The following CAPZB variants were observed in gnomAD, a reference collection of about 807,000 sequenced individuals.
The protein encoded by CAPZB is capping actin protein of muscle Z-line subunit beta, also known as F-actin-capping protein subunit beta.
Under a neutral mutation model 38.1 loss-of-function variants are expected in CAPZB, and 2 were observed. The ratio of observed to expected loss-of-function variants is 0.05; its 90% CI spans 0.02 to 0.17. CAPZB has a LOEUF of 0.17. CAPZB is among the 10% of genes least tolerant of loss of function. The pLI, the probability that CAPZB is intolerant of heterozygous loss-of-function variation, is 1.00. For synonymous variants in CAPZB, 107 were observed against 127.4 expected (o/e 0.84, Z 1.08); for missense variants, 161 against 334.2 (o/e 0.48, Z 4.04).
chr1:19,354,560 A>T (rs1416410737), intron 6 of CAPZB, among the ~76,000 whole-genome samples: 1 of 152,236 alleles, frequency 6.6e-6, no homozygotes. Flanking sequence ...CCAGAGCAAA[A>T]GGCAACGCAA....
intron 1 of CAPZB, among the ~76,000 whole-genome samples, chr1:19,438,598 A>G (rs2094465745): frequency 6.6e-6 from 1 of 152,218 alleles, no homozygotes; most frequent in Non-Finnish European, 1.5e-5. Flanking sequence ...ACTCAGAGGA[A>G]GCCAAGCTCA....
chr1:19,371,996 A>G (rs113154298), intron 4 of CAPZB, among the ~76,000 whole-genome samples: 16 of 152,360 alleles, frequency 1.1e-4, no homozygotes, highest in African/African-American at 3.8e-4. Flanking sequence ...CCATCCACCC[A>G]GCTCCTGGCT....
chr1:19,360,788 C>T (rs1056847406), intron 4 of CAPZB, among the ~76,000 whole-genome samples: 7 of 152,316 alleles, frequency 4.6e-5, no homozygotes, highest in Middle Eastern at 3.4e-3. Context: ...TGGCGGGCCA[C>T]GGTGACCAGG....
chr1:19,451,050 C>T (rs960605469), intron 1 of CAPZB, among the ~76,000 whole-genome samples: 1 of 152,208 alleles, frequency 6.6e-6, no homozygotes, highest in Non-Finnish European at 1.5e-5. Flanking sequence ...GAATTGCAAA[C>T]ATTATCACTG....
intron 4 of CAPZB, among the ~76,000 whole-genome samples, chr1:19,366,149 C>G (rs1009366826): frequency 2.0e-4 from 30 of 151,330 alleles, no homozygotes; most frequent in African/African-American, 7.3e-4. Context: ...AGACTTGGGA[C>G]AAATAAGTGG....
At chr1:19,426,923 GA>G (rs1570236818) in intron 1 of CAPZB, among the ~76,000 whole-genome samples, 1 of 152,232 alleles carries the variant, frequency 6.6e-6, no homozygotes, top group East Asian at 1.9e-4. Flanking sequence ...CGAAACTGGG[GA>G]CAGAAGAGCT....
At chr1:19,441,038 C>T (rs533640023) in intron 1 of CAPZB, among the ~76,000 whole-genome samples, 81 of 152,072 alleles carry the variant, frequency 5.3e-4, no homozygotes, top group African/African-American at 1.7e-3. Flanking sequence ...CCAGCCTGGG[C>T]GACAGAGTGA....
At chr1:19,342,890 G>C (rs1187204533) in intron 8 of CAPZB, 20 of 1,365,350 alleles carry the variant, frequency 1.5e-5, no homozygotes, top group Non-Finnish European at 2.1e-5. Flanking sequence ...AAGATGAGTG[G>C]AGTGGGAGGG....
At chr1:19,424,097 C>CCA (rs1400622195) in intron 1 of CAPZB, among the ~76,000 whole-genome samples, 1 of 152,220 alleles carries the variant, frequency 6.6e-6, no homozygotes, top group Non-Finnish European at 1.5e-5. Context: ...CAGGCGTGAG[C>CCA]CACTGCACCT....
intron 1 of CAPZB, among the ~76,000 whole-genome samples, chr1:19,438,964 G>A (rs1456759784): frequency 3.3e-5 from 5 of 152,218 alleles, no homozygotes; most frequent in African/African-American, 9.6e-5. Context: ...CAAGGGAAAG[G>A]GATAGGAATC....
rs547854700 is a variant in CAPZB at position 19,484,880 on chromosome 1, C to G, written c.3+556G>C. Among the ~76,000 whole-genome samples, 6 of 152,284 alleles carry G rather than the reference C, an allele frequency of 3.9e-5. No individual in the cohort carries two copies. The South Asian group carries it at 1.2e-3, about 32-fold the overall frequency. On this transcript the variant is annotated intron_variant, in intron 1 of 8. Transcript: ENST00000264202. ...TCACAGAGAGAAGAGGAGATTCAGG[C>G]TGAGGCCACGGAGAAGAGGGGAAGC...
intron 1 of CAPZB, among the ~76,000 whole-genome samples, chr1:19,456,718 T>C (rs559708136): frequency 9.8e-4 from 149 of 152,350 alleles, no homozygotes; most frequent in African/African-American, 3.4e-3. Context: ...TGGAGTCTAT[T>C]TGGGAAAGGC....
At chr1:19,474,199 T>C (rs949152599) in intron 1 of CAPZB, among the ~76,000 whole-genome samples, 1 of 152,148 alleles carries the variant, frequency 6.6e-6, no homozygotes, top group Non-Finnish European at 1.5e-5. Context: ...TTTCACCCTG[T>C]TGGCCAGGCT....
intron 2 of CAPZB, among the ~76,000 whole-genome samples, chr1:19,393,557 T>C (rs2094249465): frequency 6.6e-6 from 1 of 152,264 alleles, no homozygotes; most frequent in South Asian, 2.1e-4. Context: ...GAATCTCAAT[T>C]TGAGACTGAC....
Position 19,352,201 on chromosome 1 carries a change from G to A in CAPZB, c.588+4434C>T, listed in dbSNP as rs75791642. ...ATACTGCCTGGCCTAACTGCCAAACGCAAGTCAAAGAGGATGTTCCTGCTA... is the reference window on the plus strand; with the variant it reads ...ATACTGCCTGGCCTAACTGCCAAACACAAGTCAAAGAGGATGTTCCTGCTA... On this transcript the variant is annotated intron_variant, in intron 6 of 8. Coordinates refer to ENST00000264202, the MANE Select transcript of CAPZB (RefSeq NM_004930.5). 2.3e-3 allele frequency among the ~76,000 whole-genome samples: 354 copies of A among 152,298 alleles called. 2 individuals are homozygous for A. Among genetic ancestry groups the A allele is most frequent in the African/African-American group, 8.4e-3 (350 of 41,564 alleles).
chr1:19,359,175 A>T (rs2094038390), intron 4 of CAPZB, among the ~76,000 whole-genome samples: 1 of 149,086 alleles, frequency 6.7e-6, no homozygotes, highest in Admixed American at 6.7e-5. Flanking sequence ...CATTTACAGA[A>T]TGTGGGTGAT....
intron 4 of CAPZB, among the ~76,000 whole-genome samples, chr1:19,377,268 C>A (rs527369861): frequency 6.6e-6 from 1 of 152,160 alleles, no homozygotes; most frequent in South Asian, 2.1e-4. Context: ...ATGTAAGAAC[C>A]TTTAAAAGAC....
At chr1:19,456,534 C>A (rs2094533571) in intron 1 of CAPZB, among the ~76,000 whole-genome samples, 1 of 152,156 alleles carries the variant, frequency 6.6e-6, no homozygotes. Flanking sequence ...GTTCTTGGTT[C>A]ATCGACTGCC....
chr1:19,368,737 A>G (rs557136556), intron 4 of CAPZB, among the ~76,000 whole-genome samples: 4 of 150,036 alleles, frequency 2.7e-5, no homozygotes, highest in South Asian at 4.2e-4. Context: ...GTGGGACCAT[A>G]GTTCACTGCA....
Sources: gnomAD v4.1 joint callset for allele counts (sites outside exome capture counted in the v4.1 genomes callset) on GRCh38, gnomAD v4.1.1 for gene constraint, MANE v1.5 for transcripts, NCBI Gene and HGNC (gene_info 2026-07-23, HGNC 2026-07-21) for gene names.